The following GREB1L variants were observed in gnomAD, a reference collection of about 807,000 sequenced individuals.
GREB1L encodes the protein GREB1-like protein.
GREB1L carries 17 observed loss-of-function variants against 200.8 expected under a neutral mutation model. The observed-to-expected ratio is 0.08, with a 90% CI of 0.06 to 0.13. GREB1L has a LOEUF of 0.13. Among genes scored for constraint, GREB1L ranks in the 10% least tolerant of loss-of-function variants. The pLI, the probability that GREB1L is intolerant of heterozygous loss-of-function variation, is 1.00. For missense variants in GREB1L, 1,657 were observed against 2,367.7 expected (o/e 0.70, Z 6.23); for synonymous variants, 789 against 893.0 (o/e 0.88, Z 2.08).
intron 1 of GREB1L, among the ~76,000 whole-genome samples, chr18:21,263,207 C>T (rs2037916440): frequency 6.6e-6 from 1 of 152,164 alleles, no homozygotes; most frequent in Admixed American, 6.5e-5. Context: ...ATGGATTGTT[C>T]CTTGAAAAGA....
At chr18:21,412,051 C>CAAAAAAAAAAAAAA (rs962603456) in intron 7 of GREB1L, among the ~76,000 whole-genome samples, 11 of 30,506 alleles carry the variant, frequency 3.6e-4, no homozygotes, top group African/African-American at 1.2e-3. Flanking sequence ...GACTCCGTCT[C>CAAAAAAAAAAAAAA]AAAAAAAAAA....
chr18:21,325,087 C>A (rs1439064125), intron 1 of GREB1L, among the ~76,000 whole-genome samples: 1 of 152,028 alleles, frequency 6.6e-6, no homozygotes, highest in East Asian at 1.9e-4. Flanking sequence ...TGATCTTTTC[C>A]TTATTTTATG....
intron 15 of GREB1L, among the ~76,000 whole-genome samples, chr18:21,469,889 T>C (rs1300350823): frequency 1.3e-5 from 2 of 152,190 alleles, no homozygotes; most frequent in African/African-American, 4.8e-5. Context: ...TAATTTCCAG[T>C]GAGACAAACC....
intron 2 of GREB1L, among the ~76,000 whole-genome samples, chr18:21,371,604 G>A (rs1292303792): frequency 6.6e-6 from 1 of 151,622 alleles, no homozygotes; most frequent in African/African-American, 2.4e-5. Context: ...TGGCTTACAT[G>A]GTGAAACCCT....
chr18:21,516,466 G>T, intron 29 of GREB1L, 147 bp from the exon 30 acceptor site: 1 of 693,356 alleles, frequency 1.4e-6, no homozygotes, highest in Non-Finnish European at 2.3e-6. Flanking sequence ...AGTTTTTCCA[G>T]GTCAGTGTTA....
chr18:21,294,583 TTG>T (rs2038498937), intron 1 of GREB1L, among the ~76,000 whole-genome samples: 1 of 151,650 alleles, frequency 6.6e-6, no homozygotes, highest in Non-Finnish European at 1.5e-5. Context: ...GTAGGGTCAA[TTG>T]TTTAGTGGTT....
chr18:21,413,647 A>G (rs1356681511), intron 7 of GREB1L, among the ~76,000 whole-genome samples: 5 of 152,164 alleles, frequency 3.3e-5, no homozygotes, highest in South Asian at 4.1e-4. Flanking sequence ...AGAGCCTAAC[A>G]TAGTACCTGG....
chr18:21,275,621 CCAGCCTGGATGA>C (rs757668133), intron 1 of GREB1L, among the ~76,000 whole-genome samples: 276 of 152,146 alleles, frequency 1.8e-3, no homozygotes, highest in Middle Eastern at 0.01. Context: ...CCACTGCACT[CCAGCCTGGATGA>C]CAGCCTGGAT....
At chr18:21,243,611 C>T (rs1480762286) in intron 1 of GREB1L, among the ~76,000 whole-genome samples, 1 of 152,184 alleles carries the variant, frequency 6.6e-6, no homozygotes, top group African/African-American at 2.4e-5. Context: ...CTTAATAAAA[C>T]CTCTCATTCA....
intron 19 of GREB1L, among the ~76,000 whole-genome samples, chr18:21,491,011 C>T (rs1176299696): frequency 6.6e-6 from 1 of 152,144 alleles, no homozygotes; most frequent in African/African-American, 2.4e-5. Context: ...ACTGCTTCTC[C>T]CCTTCCTCTC....
At chr18:21,492,128 C>T (rs1277923863) in intron 19 of GREB1L, among the ~76,000 whole-genome samples, 4 of 151,910 alleles carry the variant, frequency 2.6e-5, no homozygotes, top group South Asian at 2.1e-4. Context: ...GGGCGGATCA[C>T]AAGGTCAGGA....
chr18:21,488,724 T>G (rs1281716941), intron 18 of GREB1L, among the ~76,000 whole-genome samples: 5 of 152,172 alleles, frequency 3.3e-5, no homozygotes, highest in Non-Finnish European at 7.3e-5. Flanking sequence ...TGGCATGATC[T>G]CGGCTCACTG....
In GREB1L at chr18:21,505,515, G is replaced by A. The variant is rs1275661339; in HGVS notation, c.4176G>A (p.Lys1392=). ...TTGATGTCAGTGTGCATGACCCCAA[G>A]TACAGTTTGATGAGCCTGGTGTATA... ...MPFDVSVHDP[K]YSLMSLVYTE... The change falls in exon 24 of 33, where the codon AAG becomes AAA. Residue 1392 remains lysine, a synonymous_variant. Coordinates refer to ENST00000424526, the MANE Select transcript of GREB1L (RefSeq NM_001142966.3). The A allele has an allele frequency of 6.4e-7, 1 of 1,551,810 alleles. No individual in the cohort carries two copies. Among genetic ancestry groups the A allele is most frequent in the Admixed American group, 2.0e-5 (1 of 50,994 alleles).
intron 1 of GREB1L, among the ~76,000 whole-genome samples, chr18:21,346,162 C>A (rs76570014): frequency 1.5e-4 from 23 of 152,226 alleles, no homozygotes; most frequent in African/African-American, 5.5e-4. Flanking sequence ...TGAATTACTT[C>A]GCCGTGTCAT....
chr18:21,465,154 A>G (rs2035217315), intron 15 of GREB1L, among the ~76,000 whole-genome samples: 1 of 152,176 alleles, frequency 6.6e-6, no homozygotes, highest in South Asian at 2.1e-4. Flanking sequence ...AGTGTAAAAT[A>G]TATTATTATT....
chr18:21,301,856 G>T (rs192206003), intron 1 of GREB1L, among the ~76,000 whole-genome samples: 70 of 152,262 alleles, frequency 4.6e-4, no homozygotes, highest in Middle Eastern at 3.4e-3. Context: ...GGCCATTGAA[G>T]CATATTCATA....
In GREB1L at chr18:21,501,080, A is replaced by G. The variant is rs113184470; in HGVS notation, c.4072+438A>G. On this transcript the variant is annotated intron_variant, in intron 23 of 32. Coordinates refer to ENST00000424526, the MANE Select transcript of GREB1L (RefSeq NM_001142966.3). ...AGACTTTGTCTCAAAAAAAAAAAAA[A>G]AAAGAAAGAAAGAAAGAAATGAAAA... Among the ~76,000 whole-genome samples the G allele has an allele frequency of 1.2e-3, 183 of 150,894 alleles. 1 individual carries two copies. The highest frequency in any genetic ancestry group is 2.9e-3 in the East Asian group (15 of 5,156).
intron 25 of GREB1L, among the ~76,000 whole-genome samples, chr18:21,507,151 T>A (rs1421116207): frequency 6.6e-6 from 1 of 152,212 alleles, no homozygotes; most frequent in Admixed American, 6.5e-5. Flanking sequence ...CACTGAAAAC[T>A]TTTGGTGGGC....
At chr18:21,451,928 T>C (rs560551109) in intron 13 of GREB1L, among the ~76,000 whole-genome samples, 155 bp from the exon 14 acceptor site, 19 of 152,278 alleles carry the variant, frequency 1.2e-4, no homozygotes, top group African/African-American at 4.3e-4. Context: ...GAGACACCAG[T>C]ATACTATAAA....
Sources: allele counts gnomAD v4.1 joint callset (sites outside exome capture counted in the v4.1 genomes callset), GRCh38; gene constraint gnomAD v4.1.1; transcripts MANE v1.5; gene names NCBI Gene and HGNC (gene_info 2026-07-23, HGNC 2026-07-21).